The following HYCC2 variants were observed in gnomAD, a reference collection of about 807,000 sequenced individuals.
The protein encoded by HYCC2 is hyccin 2.
At chr2:200,989,672 GGT>G in the HYCC2 span, among the ~76,000 whole-genome samples, 128 of 151,986 alleles carry the variant, frequency 8.4e-4, 1 homozygote, top group Non-Finnish European at 1.1e-3. Flanking sequence ...AAATTTGCTG[GGT>G]GTGCTGGTAT....
the HYCC2 span, among the ~76,000 whole-genome samples, chr2:201,010,211 C>G: frequency 1.3e-5 from 2 of 151,882 alleles, no homozygotes; most frequent in African/African-American, 4.8e-5. Flanking sequence ...ATCTATTATT[C>G]AGAAATATAC....
chr2:201,063,009 A>T, the HYCC2 span: 56 of 1,491,026 alleles, frequency 3.8e-5, no homozygotes, highest in East Asian at 1.3e-3. Flanking sequence ...TGCATCAAGT[A>T]CTATAATAAA....
chr2:200,989,448 A>G, the HYCC2 span, among the ~76,000 whole-genome samples: 2 of 152,222 alleles, frequency 1.3e-5, no homozygotes, highest in Non-Finnish European at 2.9e-5. Flanking sequence ...ATGGAGAATT[A>G]CTGCAAATGC....
the HYCC2 span, chr2:201,063,145 A>G: frequency 2.5e-6 from 4 of 1,610,566 alleles, no homozygotes; most frequent in Non-Finnish European, 3.4e-6. Flanking sequence ...TCTTCATTGG[A>G]GGGTTGAGCT....
the HYCC2 span, among the ~76,000 whole-genome samples, chr2:201,008,758 C>A: frequency 6.6e-6 from 1 of 151,986 alleles, no homozygotes; most frequent in Non-Finnish European, 1.5e-5. Flanking sequence ...ATTGGCCAGG[C>A]ATGGTGGTGT....
chr2:201,002,816 C>T, the HYCC2 span, among the ~76,000 whole-genome samples: 1 of 152,156 alleles, frequency 6.6e-6, no homozygotes, highest in Non-Finnish European at 1.5e-5. Flanking sequence ...AGCCACTGCA[C>T]CCGGCCACAG....
the HYCC2 span, among the ~76,000 whole-genome samples, chr2:200,998,530 T>C: frequency 6.6e-6 from 1 of 152,212 alleles, no homozygotes; most frequent in Non-Finnish European, 1.5e-5. Context: ...AAAGCAACTT[T>C]AGAACAGAGA....
At chr2:201,042,785 G>T in the HYCC2 span, among the ~76,000 whole-genome samples, 6 of 147,800 alleles carry the variant, frequency 4.1e-5, no homozygotes, top group Non-Finnish European at 9.0e-5. Flanking sequence ...GGTGGGGGGC[G>T]CCTCTGCCCA....
At chr2:201,009,129 T>C in the HYCC2 span, 1 of 1,219,090 alleles carries the variant, frequency 8.2e-7, no homozygotes, top group South Asian at 1.2e-5. Context: ...GTCTCTACCA[T>C]GAAGTAAAAA....
the HYCC2 span, among the ~76,000 whole-genome samples, chr2:201,043,557 A>G: frequency 7.0e-6 from 1 of 143,258 alleles, no homozygotes; most frequent in Non-Finnish European, 1.5e-5. Flanking sequence ...TGCCTAGGCT[A>G]GAGTGCAGTG....
the HYCC2 span, among the ~76,000 whole-genome samples, chr2:201,001,586 G>T: frequency 6.6e-6 from 1 of 152,062 alleles, no homozygotes; most frequent in Non-Finnish European, 1.5e-5. Context: ...TACACAAAAG[G>T]CAACATATTG....
chr2:201,022,092 A>AGAG, the HYCC2 span: 1 of 1,289,776 alleles, frequency 7.8e-7, no homozygotes. Context: ...AGTACACAGC[A>AGAG]GAGGCACTCT....
At chr2:201,032,208 T>G in the HYCC2 span, among the ~76,000 whole-genome samples, 1 of 152,152 alleles carries the variant, frequency 6.6e-6, no homozygotes, top group Admixed American at 6.5e-5. Flanking sequence ...GTGATCAGTC[T>G]GCCTTGGCCT....
the HYCC2 span, among the ~76,000 whole-genome samples, chr2:200,985,834 T>TATAAAAAAAA: frequency 6.6e-6 from 1 of 152,302 alleles, no homozygotes; most frequent in East Asian, 1.9e-4. Context: ...AAAAAGGAAC[T>TATAAAAAAAA]ACTATTTTGT....
chr2:200,992,232 CT>C, the HYCC2 span: 10 of 1,149,166 alleles, frequency 8.7e-6, no homozygotes, highest in African/African-American at 1.5e-5. Flanking sequence ...AACCTAGTAC[CT>C]TTTTTAGGTA....
the HYCC2 span, among the ~76,000 whole-genome samples, chr2:200,994,309 C>T: frequency 6.6e-6 from 1 of 152,064 alleles, no homozygotes; most frequent in African/African-American, 2.4e-5. Context: ...CTGATCTCGG[C>T]TCACTGCAAC....
At chr2:201,060,141 C>G in the HYCC2 span, among the ~76,000 whole-genome samples, 3 of 149,148 alleles carry the variant, frequency 2.0e-5, no homozygotes, top group Non-Finnish European at 4.4e-5. Flanking sequence ...CGGTTCTTAA[C>G]AGGACCTAGT....
At chr2:200,991,568 CAA>C in the HYCC2 span, among the ~76,000 whole-genome samples, 13 of 119,454 alleles carry the variant, frequency 1.1e-4, no homozygotes, top group Non-Finnish European at 1.4e-4. Context: ...GACTCCGTCT[CAA>C]AAAAAAAAAA....
the HYCC2 span, among the ~76,000 whole-genome samples, chr2:201,030,861 G>A: frequency 6.6e-6 from 1 of 152,110 alleles, no homozygotes; most frequent in Non-Finnish European, 1.5e-5. Flanking sequence ...TTACAGGTGT[G>A]AGCCACTGCG....
Sources: gnomAD v4.1 joint callset for allele counts (sites outside exome capture counted in the v4.1 genomes callset) on GRCh38, gnomAD v4.1.1 for gene constraint, MANE v1.5 for transcripts, NCBI Gene and HGNC (gene_info 2026-07-23, HGNC 2026-07-21) for gene names.